Variants in ADCK1 observed in about 807,000 individuals in gnomAD.
ADCK1 encodes aarF domain-containing protein kinase 1.
A neutral mutation model predicts 52.3 loss-of-function variants in ADCK1; 41 were observed. The observed-to-expected ratio is 0.78, with a 90% CI of 0.61 to 1.02. ADCK1 has a LOEUF of 1.02. ADCK1 is among the 50% of genes least tolerant of loss of function. ADCK1 has a pLI of 0.00. For synonymous variants in ADCK1, 250 were observed against 274.6 expected (o/e 0.91, Z 0.89); for missense variants, 658 against 679.5 (o/e 0.97, Z 0.35).
chr14:77,931,515 C>T lies in ADCK1; in HGVS notation c.1207-3C>T. ...TGTTTCTGTTGCCCCATTGCTGCTT[C>T]AGGACTTAGAGATTCGCAACAACGC... On this transcript the variant is annotated splice_region_variant and splice_polypyrimidine_tract_variant and intron_variant, in intron 9 of 10. Coordinates refer to ENST00000238561, the MANE Select transcript of ADCK1 (RefSeq NM_020421.4). 16 of 1,611,914 alleles carry T rather than the reference C, an allele frequency of 9.9e-6. No homozygotes were observed. The highest frequency in any genetic ancestry group is 1.3e-5 in the Non-Finnish European group (15 of 1,178,380).
intron 3 of ADCK1, among the ~76,000 whole-genome samples, chr14:77,842,215 A>G (rs902030202): frequency 3.9e-5 from 6 of 152,090 alleles, no homozygotes; most frequent in African/African-American, 1.4e-4. Flanking sequence ...GTCACCTGTA[A>G]TTTCAGTGTG....
In ADCK1 at chr14:77,887,741, T is replaced by G. The variant is rs578241676; in HGVS notation, c.582+492T>G. On this transcript the variant is annotated intron_variant, in intron 5 of 10. Coordinates refer to ENST00000238561, the MANE Select transcript of ADCK1 (RefSeq NM_020421.4). ...TGGTACTTATTTGGAATGAAGAAAT[T>G]CACGTGTCTGAACGGTCCTAGGAAA... 3.5e-4 allele frequency among the ~76,000 whole-genome samples: 54 copies of G among 152,270 alleles called. No individual in the cohort carries two copies. In the South Asian group the frequency reaches 0.011, roughly 31 times the overall value.
At chr14:77,815,573 G>T (rs1475579935) in intron 1 of ADCK1, among the ~76,000 whole-genome samples, 1 of 150,020 alleles carries the variant, frequency 6.7e-6, no homozygotes, top group East Asian at 2.0e-4. Context: ...AGACTGGAGT[G>T]CAGTGGCATA....
At position 77,899,215 on chromosome 14, in the gene ADCK1, C is replaced by G; in HGVS notation, c.698C>G (p.Ala233Gly). Residue 233 changes from alanine (A) to glycine (G), a missense_variant, in exon 6 of 11, where the codon GCT (alanine) becomes GGT (glycine). Physicochemically the swap from Ala to Gly is moderately conservative, Grantham distance 60. Coordinates refer to ENST00000238561, the MANE Select transcript of ADCK1 (RefSeq NM_020421.4). Reference sequence around the variant, plus strand: ...GATTTCCTCAATGAAGGGAGGAATGCTGAGAAGGTGTCCCAGATGCTCAGG... The same window carrying G: ...GATTTCCTCAATGAAGGGAGGAATGGTGAGAAGGTGTCCCAGATGCTCAGG... Reference protein sequence around the residue: ...ELDFLNEGRNAEKVSQMLRHF... With the variant: ...ELDFLNEGRNGEKVSQMLRHF... The G allele has an allele frequency of 6.2e-7, 1 of 1,614,180 alleles. No homozygotes were observed. Among genetic ancestry groups the G allele is most frequent in the Non-Finnish European group, 8.5e-7 (1 of 1,180,024 alleles).
chr14:77,833,241 G>A (rs562461468), intron 3 of ADCK1, among the ~76,000 whole-genome samples: 1 of 152,334 alleles, frequency 6.6e-6, no homozygotes, highest in African/African-American at 2.4e-5. Context: ...TCCTCCTGGA[G>A]TAGTGGTCTG....
intron 3 of ADCK1, 141 bp downstream of exon 3, chr14:77,822,659 A>T (rs2081608358): frequency 1.4e-6 from 1 of 723,038 alleles, no homozygotes; most frequent in African/African-American, 1.8e-5. Context: ...CTAGGATTGG[A>T]TAAATCCTGA....
At chr14:77,820,202 G>A (rs1256065615) in intron 2 of ADCK1, among the ~76,000 whole-genome samples, 1 of 152,080 alleles carries the variant, frequency 6.6e-6, no homozygotes, top group East Asian at 1.9e-4. Context: ...ATTGTGCCAA[G>A]GTGGGTGATT....
intron 1 of ADCK1, among the ~76,000 whole-genome samples, chr14:77,805,741 C>A (rs2081210285): frequency 6.6e-6 from 1 of 151,898 alleles, no homozygotes. Context: ...GGGCATGAGA[C>A]CCTAGAGGGA....
At chr14:77,876,837 C>T (rs17106518) in intron 4 of ADCK1, among the ~76,000 whole-genome samples, 4,978 of 152,288 alleles carry the variant, frequency 0.033, 143 homozygotes, top group South Asian at 0.12. Context: ...GTTTACCTCC[C>T]TTTAAAATTC....
At chr14:77,817,693 A>G (rs2364841) in intron 1 of ADCK1, among the ~76,000 whole-genome samples, 131,467 of 152,144 alleles carry the variant, frequency 0.86, 56,906 homozygotes, top group Middle Eastern at 0.93. Flanking sequence ...TGACAGTCAT[A>G]GTGTCTGCCC....
chr14:77,811,118 G>A (rs1298093123), intron 1 of ADCK1, among the ~76,000 whole-genome samples: 1 of 151,920 alleles, frequency 6.6e-6, no homozygotes, highest in East Asian at 1.9e-4. Context: ...TTAAGTGGGG[G>A]CCACCTAGAA....
At chr14:77,886,915 CA>C (rs2083161111) in intron 4 of ADCK1, among the ~76,000 whole-genome samples, 175 bp from the exon 5 acceptor site, 1 of 23,134 alleles carries the variant, frequency 4.3e-5, no homozygotes, top group African/African-American at 1.0e-4. Context: ...TCAACACACA[CA>C]CACACACACA....
intron 7 of ADCK1, among the ~76,000 whole-genome samples, chr14:77,918,736 C>T (rs1248938669): frequency 6.6e-6 from 1 of 152,190 alleles, no homozygotes; most frequent in African/African-American, 2.4e-5. Flanking sequence ...GGGCATTGTT[C>T]AACCAGCTCC....
intron 3 of ADCK1, among the ~76,000 whole-genome samples, chr14:77,851,066 C>T (rs1441110446): frequency 6.6e-6 from 1 of 151,858 alleles, no homozygotes; most frequent in Non-Finnish European, 1.5e-5. Context: ...GTACATTTAA[C>T]CTATTTGTGT....
At chr14:77,857,610 G>A (rs2082447755) in intron 3 of ADCK1, among the ~76,000 whole-genome samples, 1 of 152,096 alleles carries the variant, frequency 6.6e-6, no homozygotes, top group Non-Finnish European at 1.5e-5. Context: ...ACATGTGGGA[G>A]CTAAAACAAA....
chr14:77,925,297 GTC>G (rs1277414754), intron 8 of ADCK1, among the ~76,000 whole-genome samples: 1 of 152,270 alleles, frequency 6.6e-6, no homozygotes, highest in African/African-American at 2.4e-5. Context: ...TCACATGCCA[GTC>G]CTGGATGGGT....
At chr14:77,914,774 A>G (rs1268513744) in intron 7 of ADCK1, among the ~76,000 whole-genome samples, 1 of 152,198 alleles carries the variant, frequency 6.6e-6, no homozygotes, top group Non-Finnish European at 1.5e-5. Context: ...AAACAATGTT[A>G]CTGTTACTTA....
intron 4 of ADCK1, among the ~76,000 whole-genome samples, chr14:77,876,690 A>C (rs1022304728): frequency 2.0e-5 from 3 of 152,204 alleles, no homozygotes; most frequent in Non-Finnish European, 4.4e-5. Context: ...GCAGAGAGAG[A>C]TGGGTCGCTG....
chr14:77,934,241 G>A lies in ADCK1; in HGVS notation c.*850G>A, dbSNP rs1424026428. The A allele has an allele frequency of 6.6e-6, 1 of 151,590 alleles. No individual in the cohort carries two copies. Among genetic ancestry groups the A allele is most frequent in the Non-Finnish European group, 1.5e-5 (1 of 68,000 alleles). The allele number at this position is 151,590 out of a possible 1,614,324, so 9.4% of individuals were successfully genotyped here. On this transcript the variant is annotated 3_prime_UTR_variant, in exon 11 of 11. Transcript: ENST00000238561. Reference sequence around the variant, plus strand: ...CTCCTGTAATCCTTCCAACCTGTGGGGCCACTTCCACTATGGGGCCACTTC... The same window carrying A: ...CTCCTGTAATCCTTCCAACCTGTGGAGCCACTTCCACTATGGGGCCACTTC...
Sources: gnomAD v4.1 joint callset for allele counts (sites outside exome capture counted in the v4.1 genomes callset) on GRCh38, gnomAD v4.1.1 for gene constraint, MANE v1.5 for transcripts, NCBI Gene and HGNC (gene_info 2026-07-23, HGNC 2026-07-21) for gene names.